MOSMO: variants seen among roughly 807,000 people sequenced by gnomAD.
MOSMO encodes modulator of smoothened.
Under a neutral mutation model 18.4 loss-of-function variants are expected in MOSMO, and 5 were observed. The ratio of observed to expected loss-of-function variants is 0.27; its 90% confidence interval spans 0.14 to 0.57. The LOEUF (loss-of-function observed/expected upper bound fraction) is 0.57, where lower values mean the gene tolerates loss of function less well. MOSMO is among the 20% of genes least tolerant of loss of function. The pLI is 0.92. For synonymous variants in MOSMO, 82 were observed against 82.3 expected (o/e 1.00, Z 0.02); for missense variants, 138 against 211.8 (o/e 0.65, Z 2.16).
intron 1 of MOSMO, among the ~76,000 whole-genome samples, chr16:22,032,244 C>T (rs1900010523): frequency 6.9e-6 from 1 of 144,400 alleles, no homozygotes; most frequent in African/African-American, 2.6e-5. Flanking sequence ...GGCTAGAGTG[C>T]AGTGGAGCAA....
chr16:22,028,321 A>G (rs1346233508), intron 1 of MOSMO, among the ~76,000 whole-genome samples: 1 of 151,404 alleles, frequency 6.6e-6, no homozygotes, highest in African/African-American at 2.4e-5. Flanking sequence ...AGCAATATGG[A>G]TAGGGCTACT....
At chr16:22,069,681 C>T (rs927160229) in intron 1 of MOSMO, among the ~76,000 whole-genome samples, 1 of 150,450 alleles carries the variant, frequency 6.6e-6, no homozygotes, top group Non-Finnish European at 1.5e-5. Flanking sequence ...CACAAGAGCT[C>T]TATCAAAATG....
intron 2 of MOSMO, among the ~76,000 whole-genome samples, chr16:22,079,358 G>C (rs769973338): frequency 6.6e-6 from 1 of 152,218 alleles, no homozygotes; most frequent in Admixed American, 6.5e-5. Context: ...TCTGCCTCCA[G>C]AGAAAGTTGA....
intron 1 of MOSMO, among the ~76,000 whole-genome samples, chr16:22,059,287 C>T (rs554479377): frequency 1.3e-5 from 2 of 152,238 alleles, no homozygotes; most frequent in South Asian, 4.2e-4. Context: ...GAATGTTTAG[C>T]TGTCTGTTCA....
At chr16:22,017,881 C>CA (rs200705762) in intron 1 of MOSMO, among the ~76,000 whole-genome samples, 35 of 149,686 alleles carry the variant, frequency 2.3e-4, no homozygotes, top group South Asian at 2.3e-3. Flanking sequence ...TTAGAGTTGA[C>CA]AAAAAAAAAG....
At chr16:22,017,865 A>T (rs1029556075) in intron 1 of MOSMO, among the ~76,000 whole-genome samples, 1 of 152,074 alleles carries the variant, frequency 6.6e-6, no homozygotes, top group African/African-American at 2.4e-5. Flanking sequence ...TTTGGGGTTT[A>T]TTGCTTTAGA....
intron 2 of MOSMO, 67 bp from the exon 3 acceptor site, chr16:22,080,628 CA>C (rs1901060221): frequency 6.3e-6 from 7 of 1,111,028 alleles, no homozygotes; most frequent in Non-Finnish European, 1.2e-6. Flanking sequence ...TCCTTTGTGC[CA>C]AATTTTCATT....
chr16:22,071,878 A>G (rs1192336693), intron 1 of MOSMO, among the ~76,000 whole-genome samples: 2 of 152,216 alleles, frequency 1.3e-5, no homozygotes, highest in Non-Finnish European at 2.9e-5. Flanking sequence ...ATAAGTGTGC[A>G]GAAACCACAT....
chr16:22,025,652 C>T (rs1899861207), intron 1 of MOSMO, among the ~76,000 whole-genome samples: 1 of 152,180 alleles, frequency 6.6e-6, no homozygotes, highest in South Asian at 2.1e-4. Flanking sequence ...TGACTGTGCT[C>T]TCTTAATGAT....
chr16:22,056,541 T>C (rs1427054450), intron 1 of MOSMO, among the ~76,000 whole-genome samples: 1 of 149,228 alleles, frequency 6.7e-6, no homozygotes, highest in Non-Finnish European at 1.5e-5. Flanking sequence ...CGGTTAATTT[T>C]ATATATATAT....
At chr16:22,031,230 A>C in intron 1 of MOSMO, among the ~76,000 whole-genome samples, 1 of 152,344 alleles carries the variant, frequency 6.6e-6, no homozygotes, top group Admixed American at 6.5e-5. Context: ...TATTACATGT[A>C]GGGGTCCTGG....
At chr16:22,065,674 C>T (rs1378700704) in intron 1 of MOSMO, among the ~76,000 whole-genome samples, 2 of 152,130 alleles carry the variant, frequency 1.3e-5, no homozygotes, top group African/African-American at 2.4e-5. Context: ...TCAGTGCTTA[C>T]AGTTCTGATT....
intron 2 of MOSMO, 139 bp downstream of exon 2, chr16:22,075,838 C>G: frequency 4.8e-6 from 3 of 619,858 alleles, no homozygotes; most frequent in Non-Finnish European, 8.6e-6. Context: ...GAGATAGACT[C>G]TACACAGTCC....
At chr16:22,045,401 A>G (rs956146832) in intron 1 of MOSMO, among the ~76,000 whole-genome samples, 2 of 152,198 alleles carry the variant, frequency 1.3e-5, no homozygotes, top group Admixed American at 6.5e-5. Context: ...CATAGTCTTT[A>G]TAAATAAAAT....
intron 1 of MOSMO, among the ~76,000 whole-genome samples, chr16:22,021,881 A>C (rs1044867374): frequency 6.6e-6 from 1 of 152,074 alleles, no homozygotes; most frequent in African/African-American, 2.4e-5. Flanking sequence ...AGGGGCTTTG[A>C]GCATGTTTCT....
chr16:22,088,031 A>C (rs1380950413), downstream of MOSMO, among the ~76,000 whole-genome samples: 1 of 151,066 alleles, frequency 6.6e-6, no homozygotes, highest in Non-Finnish European at 1.5e-5. Flanking sequence ...TATACCTGCC[A>C]CTGCTTTTTT....
intron 1 of MOSMO, among the ~76,000 whole-genome samples, chr16:22,041,466 A>G (rs1900208439): frequency 6.6e-6 from 1 of 152,188 alleles, no homozygotes; most frequent in Non-Finnish European, 1.5e-5. Context: ...ATTTTTAAAC[A>G]AATAACCCTC....
intron 1 of MOSMO, among the ~76,000 whole-genome samples, chr16:22,073,554 T>G (rs377136781): frequency 2.5e-4 from 38 of 152,106 alleles, no homozygotes; most frequent in South Asian, 4.2e-4. Context: ...AGTTTTTTTT[T>G]TTTTGTTTTC....
At chr16:22,026,365 C>A (rs35907223) in intron 1 of MOSMO, among the ~76,000 whole-genome samples, 1 of 151,668 alleles carries the variant, frequency 6.6e-6, no homozygotes, top group Admixed American at 6.6e-5. Flanking sequence ...ATGACAGGCA[C>A]GTGCTACCAA....
Sources: gnomAD v4.1 joint callset for allele counts (sites outside exome capture counted in the v4.1 genomes callset) on GRCh38, gnomAD v4.1.1 for gene constraint, MANE v1.5 for transcripts, NCBI Gene and HGNC (gene_info 2026-07-23, HGNC 2026-07-21) for gene names.